The following GUCY1A2 variants were observed in gnomAD, a reference collection of about 807,000 sequenced individuals.
The protein encoded by GUCY1A2 is guanylate cyclase soluble subunit alpha-2.
In GUCY1A2, 27 loss-of-function variants were observed where a neutral mutation model predicts 63.5. That is an observed-to-expected ratio of 0.43 (90% CI 0.31 to 0.59). The LOEUF (loss-of-function observed/expected upper bound fraction) is 0.59, where lower values mean the gene tolerates loss of function less well. Ranked by LOEUF, GUCY1A2 falls within the 20% of genes least tolerant of loss-of-function variation. The pLI is 0.11. For missense variants in GUCY1A2, 768 were observed against 913.3 expected (o/e 0.84, Z 2.05); for synonymous variants, 364 against 343.5 (o/e 1.06, Z -0.66).
At position 106,678,245 on chromosome 11, in the gene GUCY1A2, T is replaced by G. The variant is rs1375075935; in HGVS notation, c.*9304A>C. 1 of 201,436 alleles carries G rather than the reference T, an allele frequency of 5.0e-6. No individual in the cohort carries two copies. The highest frequency in any genetic ancestry group is 2.3e-5 in the African/African-American group (1 of 43,506). The allele number at this position is 201,436 out of a possible 1,614,324, so 12.5% of individuals were successfully genotyped here. A position where few individuals can be genotyped will look rare whatever the true frequency, so the allele number is the denominator to read the frequency against. ...TCTTCTTTTTGAGAATACTTTGTAG[T>G]CAAAGAATACAAAAGCAATTTATCT... On this transcript the variant is annotated 3_prime_UTR_variant, in exon 8 of 8. Transcript: ENST00000526355.
intron 4 of GUCY1A2, among the ~76,000 whole-genome samples, chr11:106,815,541 A>G (rs1858819197): frequency 6.6e-6 from 1 of 151,924 alleles, no homozygotes; most frequent in Non-Finnish European, 1.5e-5. Context: ...GGCTAAAGAA[A>G]GGTCTTTAAA....
chr11:106,951,322 C>A (rs1458483936), intron 3 of GUCY1A2, among the ~76,000 whole-genome samples: 1 of 152,212 alleles, frequency 6.6e-6, no homozygotes, highest in Non-Finnish European at 1.5e-5. Context: ...GCCACACTGT[C>A]TTCCACAATG....
In GUCY1A2 at chr11:106,768,247, C is replaced by T. The variant is rs568594888; in HGVS notation, c.1836+8192G>A. On this transcript the variant is annotated intron_variant, in intron 6 of 7. Transcript: ENST00000526355. ...AAGCCATCCTCCCTCCTCAGCTTCTCGAGTATCTGGGACTACAGGTATGCC... is the reference window on the plus strand; with the variant it reads ...AAGCCATCCTCCCTCCTCAGCTTCTTGAGTATCTGGGACTACAGGTATGCC... Among the ~76,000 whole-genome samples, 73 of 152,248 alleles carry T rather than the reference C, an allele frequency of 4.8e-4. No homozygotes were observed. In the South Asian group the frequency reaches 0.015, roughly 31 times the overall value.
chr11:106,746,084 C>T (rs1191584285), intron 6 of GUCY1A2, among the ~76,000 whole-genome samples: 1 of 152,070 alleles, frequency 6.6e-6, no homozygotes, highest in Non-Finnish European at 1.5e-5. Flanking sequence ...CAGGCACTTC[C>T]TGGTGAAGTA....
chr11:106,873,500 T>A (rs986903063), intron 4 of GUCY1A2, among the ~76,000 whole-genome samples: 2 of 152,220 alleles, frequency 1.3e-5, no homozygotes, highest in African/African-American at 4.8e-5. Context: ...TGGTTTTGAT[T>A]TGCATTTCTC....
intron 6 of GUCY1A2, among the ~76,000 whole-genome samples, chr11:106,721,796 A>G (rs1317462942): frequency 1.3e-5 from 2 of 152,226 alleles, no homozygotes; most frequent in East Asian, 3.9e-4. Context: ...AGAAATTGCT[A>G]AGCAAAATTC....
At chr11:107,016,252 TA>T (rs1861822082) in intron 1 of GUCY1A2, among the ~76,000 whole-genome samples, 1 of 152,220 alleles carries the variant, frequency 6.6e-6, no homozygotes, top group South Asian at 2.1e-4. Flanking sequence ...GTAAAAGTCC[TA>T]GGGGTGGGCA....
chr11:106,829,019 G>A (rs1859014733), intron 4 of GUCY1A2, among the ~76,000 whole-genome samples: 1 of 152,184 alleles, frequency 6.6e-6, no homozygotes, highest in East Asian at 1.9e-4. Flanking sequence ...GGAATTATAT[G>A]ATTGCTTTGT....
At chr11:106,953,754 G>GGT (rs1188810876) in intron 3 of GUCY1A2, among the ~76,000 whole-genome samples, 4 of 151,806 alleles carry the variant, frequency 2.6e-5, no homozygotes, top group African/African-American at 9.7e-5. Context: ...GTCTTGGTAG[G>GGT]GTGTATGTGT....
intron 4 of GUCY1A2, among the ~76,000 whole-genome samples, chr11:106,893,695 C>T (rs1476205689): frequency 6.6e-6 from 1 of 152,072 alleles, no homozygotes; most frequent in African/African-American, 2.4e-5. Flanking sequence ...GCCCCTAAAA[C>T]TGGAGAGAAA....
chr11:106,674,334 A>G lies in GUCY1A2; in HGVS notation c.*13215T>C, dbSNP rs1367948820. On this transcript the variant is annotated 3_prime_UTR_variant, in exon 8 of 8. Transcript: ENST00000526355. ...AAAAAGTGGTGTTACATGAAAATCA[A>G]AGAAGATATTGTGGATATTTATAAT... 1 of 179,912 alleles carries G rather than the reference A, an allele frequency of 5.6e-6. No individual in the cohort carries two copies. Among genetic ancestry groups the G allele is most frequent in the Non-Finnish European group, 1.2e-5 (1 of 84,054 alleles). The allele number at this position is 179,912 out of a possible 1,614,324, so 11.1% of individuals were successfully genotyped here. A position where few individuals can be genotyped will look rare whatever the true frequency, so the allele number is the denominator to read the frequency against.
intron 6 of GUCY1A2, among the ~76,000 whole-genome samples, chr11:106,721,348 C>T (rs1369224715): frequency 3.3e-5 from 5 of 152,112 alleles, no homozygotes; most frequent in South Asian, 2.1e-4. Flanking sequence ...AGTGAGCCAC[C>T]GCGCCTGGCC....
chr11:107,014,079 CTTTTTTTTTTTT>C (rs71044206), intron 1 of GUCY1A2, among the ~76,000 whole-genome samples: 1 of 70,018 alleles, frequency 1.4e-5, no homozygotes, highest in Non-Finnish European at 2.5e-5. Context: ...CCATGTTTTC[CTTTTTTTTTTTT>C]TTTTTTTTTT....
intron 6 of GUCY1A2, among the ~76,000 whole-genome samples, chr11:106,713,463 A>C (rs955670752): frequency 6.6e-6 from 1 of 150,376 alleles, no homozygotes; most frequent in Non-Finnish European, 1.5e-5. Flanking sequence ...TTTCTCTAAA[A>C]TCAGCAAAGC....
chr11:106,709,710 TTATATACACGTATAGAATATA>T (rs1452908912), intron 6 of GUCY1A2, among the ~76,000 whole-genome samples: 1,317 of 74,470 alleles, frequency 0.018, 50 homozygotes, highest in African/African-American at 0.075. Context: ...GAATATATAG[TTATATACACGTATAGAATATA>T]TAGTTATATA....
At position 106,776,521 on chromosome 11, in the gene GUCY1A2, T is replaced by A; in HGVS notation, c.1754A>T (p.His585Leu). ...AAGLHRKSLC[H>L]AKPIALMALK... is the part of the protein sequence containing the mutation. ...GGCCATCAGAGCAATGGGTTTAGCA[T>A]GGCAGAGGCTTTTTCTGTGGAGCCC... is the stretch of plus-strand genomic sequence containing the variant. Residue 585 changes from histidine to leucine, a missense_variant, in exon 6 of 8, where the codon CAT becomes CTT. His to Leu is a moderately conservative substitution (Grantham distance 99). Transcript: ENST00000526355. 1 of 1,613,712 alleles carries A rather than the reference T, an allele frequency of 6.2e-7. No homozygotes were observed. Among genetic ancestry groups the A allele is most frequent in the South Asian group, 1.1e-5 (1 of 91,072 alleles).
chr11:106,731,610 A>G (rs1252823532), intron 6 of GUCY1A2, among the ~76,000 whole-genome samples: 1 of 152,174 alleles, frequency 6.6e-6, no homozygotes, highest in Non-Finnish European at 1.5e-5. Context: ...CTGTTTTCAG[A>G]CAATATGATT....
At chr11:106,762,944 A>G (rs2135392906) in intron 6 of GUCY1A2, among the ~76,000 whole-genome samples, 1 of 152,192 alleles carries the variant, frequency 6.6e-6, no homozygotes, top group East Asian at 1.9e-4. Flanking sequence ...AGTTGTAGGC[A>G]TTGCCTGCTG....
chr11:106,722,885 T>C (rs1229095367), intron 6 of GUCY1A2, among the ~76,000 whole-genome samples: 1 of 152,136 alleles, frequency 6.6e-6, no homozygotes, highest in Non-Finnish European at 1.5e-5. Flanking sequence ...CACTGGTTTG[T>C]TTTGTTTTGA....
Sources: gnomAD v4.1 joint callset for allele counts (sites outside exome capture counted in the v4.1 genomes callset) on GRCh38, gnomAD v4.1.1 for gene constraint, MANE v1.5 for transcripts, NCBI Gene and HGNC (gene_info 2026-07-23, HGNC 2026-07-21) for gene names.